The following ROR2 variants were observed in gnomAD, a reference collection of about 807,000 sequenced individuals.
ROR2 encodes tyrosine-protein kinase transmembrane receptor ROR2.
A neutral mutation model predicts 74.9 loss-of-function variants in ROR2; 33 were observed. The observed-to-expected ratio is 0.44, with a 90% CI of 0.33 to 0.59. ROR2 has a LOEUF of 0.59. Among genes scored for constraint, ROR2 ranks in the 20% least tolerant of loss-of-function variants. The pLI is 0.02. For synonymous variants in ROR2, 586 were observed against 558.7 expected (o/e 1.05, Z -0.69); for missense variants, 1,216 against 1,313.8 (o/e 0.93, Z 1.15).
intron 1 of ROR2, among the ~76,000 whole-genome samples, chr9:91,831,412 T>C (rs1428737738): frequency 6.6e-6 from 1 of 152,042 alleles, no homozygotes; most frequent in African/African-American, 2.4e-5. Flanking sequence ...TTGGTGGAAA[T>C]GAGGTGAGGA....
At chr9:91,760,008 C>T (rs1825864994) in intron 2 of ROR2, among the ~76,000 whole-genome samples, 1 of 152,198 alleles carries the variant, frequency 6.6e-6, no homozygotes, top group Admixed American at 6.5e-5. Flanking sequence ...TAGATTATAT[C>T]CACAGTATCA....
chr9:91,860,984 C>T (rs1231075534), intron 1 of ROR2, among the ~76,000 whole-genome samples: 1 of 151,972 alleles, frequency 6.6e-6, no homozygotes, highest in Non-Finnish European at 1.5e-5. Context: ...GAAAATGAAA[C>T]CAAGTTAACT....
intron 2 of ROR2, among the ~76,000 whole-genome samples, chr9:91,762,612 T>G (rs1011326837): frequency 6.6e-6 from 1 of 152,244 alleles, no homozygotes; most frequent in East Asian, 1.9e-4. Context: ...AATTCTAGAA[T>G]GCAACCAAAA....
chr9:91,933,088 G>T (rs149091098), intron 1 of ROR2, among the ~76,000 whole-genome samples: 1 of 152,144 alleles, frequency 6.6e-6, no homozygotes, highest in Non-Finnish European at 1.5e-5. Flanking sequence ...CAAGGCAGGC[G>T]GATCATGAGG....
At chr9:91,862,530 C>A (rs1242198820) in intron 1 of ROR2, among the ~76,000 whole-genome samples, 1 of 151,976 alleles carries the variant, frequency 6.6e-6, no homozygotes, top group Non-Finnish European at 1.5e-5. Flanking sequence ...GGCATGGTGG[C>A]ACATGCCAGT....
intron 1 of ROR2, among the ~76,000 whole-genome samples, chr9:91,923,147 A>C (rs1462614376): frequency 6.6e-6 from 1 of 152,222 alleles, no homozygotes; most frequent in Non-Finnish European, 1.5e-5. Context: ...TAAGCTAACA[A>C]GTTAGCAGCC....
intron 1 of ROR2, among the ~76,000 whole-genome samples, chr9:91,836,015 C>G (rs747664217): frequency 1.2e-4 from 18 of 152,310 alleles, no homozygotes; most frequent in Admixed American, 2.0e-4. Context: ...AAGGCACATG[C>G]AAGCAATGAG....
chr9:91,861,889 T>G (rs75853236), intron 1 of ROR2, among the ~76,000 whole-genome samples: 1 of 152,228 alleles, frequency 6.6e-6, no homozygotes, highest in South Asian at 2.1e-4. Context: ...TGTTATGGAC[T>G]GAATGTATCC....
At chr9:91,798,409 TG>T (rs1827254702) in intron 1 of ROR2, among the ~76,000 whole-genome samples, 1 of 123,436 alleles carries the variant, frequency 8.1e-6, no homozygotes, top group Non-Finnish European at 1.6e-5. Flanking sequence ...GCTGACACCC[TG>T]GGCTCTGTGG....
intron 1 of ROR2, among the ~76,000 whole-genome samples, chr9:91,849,835 T>C (rs1011504897): frequency 2.0e-5 from 3 of 152,198 alleles, no homozygotes; most frequent in Non-Finnish European, 4.4e-5. Context: ...TTTGAACATG[T>C]TGTTTGGCCT....
At chr9:91,770,905 T>C (rs1317895408) in intron 2 of ROR2, among the ~76,000 whole-genome samples, 1 of 152,076 alleles carries the variant, frequency 6.6e-6, no homozygotes, top group East Asian at 1.9e-4. Flanking sequence ...ATTCGGCCGA[T>C]ATGACCTACA....
chr9:91,814,552 C>T (rs1452922378), intron 1 of ROR2, among the ~76,000 whole-genome samples: 2 of 152,144 alleles, frequency 1.3e-5, no homozygotes, highest in East Asian at 1.9e-4. Flanking sequence ...TCACTATAAG[C>T]GATACCATTA....
chr9:91,800,354 A>AAAG (rs61357928), intron 1 of ROR2, among the ~76,000 whole-genome samples: 12 of 149,314 alleles, frequency 8.0e-5, no homozygotes, highest in African/African-American at 2.8e-4. Context: ...AAAAAAAAAA[A>AAAG]AGAGAGAGAG....
intron 1 of ROR2, among the ~76,000 whole-genome samples, chr9:91,865,047 A>G (rs562394229): frequency 1.3e-5 from 2 of 152,370 alleles, no homozygotes; most frequent in East Asian, 1.9e-4. Context: ...AAAGTCTTCA[A>G]TAGAGTTCTC....
chr9:91,743,886 T>C (rs1825322777), intron 4 of ROR2, among the ~76,000 whole-genome samples: 2 of 152,230 alleles, frequency 1.3e-5, no homozygotes, highest in East Asian at 3.8e-4. Context: ...AATGAAAACA[T>C]GTTCACAAAA....
chr9:91,895,454 C>T (rs775803428), intron 1 of ROR2, among the ~76,000 whole-genome samples: 1 of 152,158 alleles, frequency 6.6e-6, no homozygotes, highest in African/African-American at 2.4e-5. Flanking sequence ...AGAAAACACA[C>T]CACTCTGGTA....
intron 4 of ROR2, among the ~76,000 whole-genome samples, chr9:91,744,134 T>C (rs1262667871): frequency 6.6e-6 from 1 of 151,944 alleles, no homozygotes; most frequent in Non-Finnish European, 1.5e-5. Context: ...TTAGTTTTTA[T>C]CTGTTGCATT....
At chr9:91,770,634 A>T (rs997550400) in intron 2 of ROR2, among the ~76,000 whole-genome samples, 7 of 152,228 alleles carry the variant, frequency 4.6e-5, no homozygotes, top group African/African-American at 1.7e-4. Flanking sequence ...CTGGAGCCTG[A>T]AAAGTAACTT....
At position 91,898,037 on chromosome 9, in the gene ROR2, C is replaced by T. The variant is rs112407330; in HGVS notation, c.97+51830G>A. 3.6e-3 allele frequency among the ~76,000 whole-genome samples: 551 copies of T among 152,278 alleles called. 5 individuals carry two copies. Among genetic ancestry groups the T allele is most frequent in the Non-Finnish European group, 2.9e-3 (200 of 68,028 alleles). ...TGACCTTGCCACGGCGGGGTCCACA[C>T]ACCCCGAGAACCCCTCGGGCCACAC... is the stretch of plus-strand genomic sequence containing the variant. On this transcript the variant is annotated intron_variant, in intron 1 of 8. Transcript: ENST00000375708.
Sources: gnomAD v4.1 joint callset for allele counts (sites outside exome capture counted in the v4.1 genomes callset) on GRCh38, gnomAD v4.1.1 for gene constraint, MANE v1.5 for transcripts, NCBI Gene and HGNC (gene_info 2026-07-23, HGNC 2026-07-21) for gene names.